Variants in TTI2 observed in about 807,000 individuals in gnomAD.
TTI2 encodes the protein TELO2-interacting protein 2.
A neutral mutation model predicts 44.9 loss-of-function variants in TTI2; 26 were observed. The ratio of observed to expected loss-of-function variants is 0.58; its 90% CI spans 0.42 to 0.80. The LOEUF is 0.80. Among genes scored for constraint, TTI2 ranks in the 30% least tolerant of loss-of-function variants. TTI2 has a pLI of 0.00. For synonymous variants in TTI2, 254 were observed against 250.9 expected, an observed-to-expected ratio of 1.01 and a Z score of -0.12; for missense variants, 582 against 611.6, an observed-to-expected ratio of 0.95 and a Z score of 0.51.
In TTI2 at chr8:33,512,050, C is replaced by T. The variant is rs1809550490; in HGVS notation, c.564G>A (p.Val188=). 6.2e-7 allele frequency: 1 copy of T among 1,614,008 alleles called. No homozygotes were observed. ...SLLQVTECGS[V]AGFLHGENED... is the part of the protein sequence containing the mutation. ...CATTTTCTCCATGTAGGAATCCTGC[C>T]ACAGAACCGCATTCAGTAACTTGAA... The change falls in exon 2 of 8, where the codon GTG becomes GTA. Residue 188 remains valine (V), a synonymous_variant. Transcript: ENST00000431156.
chr8:33,506,733 C>A (rs1277682712), intron 4 of TTI2, among the ~76,000 whole-genome samples: 1 of 151,022 alleles, frequency 6.6e-6, no homozygotes, highest in African/African-American at 2.4e-5. Context: ...CGCACTGTCA[C>A]CCAGGCTGGA....
At chr8:33,509,132 C>CAAAAAAAAAAAAAAAA (rs751009227) in intron 3 of TTI2, among the ~76,000 whole-genome samples, 1 of 97,102 alleles carries the variant, frequency 1.0e-5, no homozygotes. Flanking sequence ...GATAATGTCT[C>CAAAAAAAAAAAAAAAA]AAAAAAAAAA....
rs1366997973 is a variant in TTI2, at chr8:33,512,628, C to G, written c.-15G>C. The stretch of plus-strand genomic sequence containing the variant: ...TCAAGCTCCATTCCTGACTGCAGCA[C>G]CAGAAGGCTGGTCTCTCCCACAGAA... On this transcript the variant is annotated 5_prime_UTR_variant, in exon 2 of 8. Coordinates refer to ENST00000431156, the MANE Select transcript of TTI2 (RefSeq NM_001102401.4). The G allele has an allele frequency of 1.2e-6, 2 of 1,611,234 alleles. No individual in the cohort carries two copies. The highest frequency in any genetic ancestry group is 1.7e-6 in the Non-Finnish European group (2 of 1,179,972).
At position 33,498,856 on chromosome 8, in the gene TTI2, C is replaced by G; in HGVS notation, c.*317G>C. On this transcript the variant is annotated 3_prime_UTR_variant, in exon 8 of 8. Transcript: ENST00000431156. The stretch of plus-strand genomic sequence containing the variant: ...TTTTATAGCATATGTGTTGAAGTAA[C>G]AGCTTGTGCCCGAGAAACTTAACAG... 1.7e-6 allele frequency: 1 copy of G among 588,770 alleles called. No individual in the cohort carries two copies. 36.5% of individuals were successfully genotyped at this position (588,770 alleles called of 1,614,324 possible).
chr8:33,508,087 T>TA (rs58891946), intron 3 of TTI2, among the ~76,000 whole-genome samples: 5,202 of 19,326 alleles, frequency 0.27, 994 homozygotes, highest in Non-Finnish European at 0.32. Context: ...CTAGCGGTAG[T>TA]AAAAAAAAAA....
intron 2 of TTI2, among the ~76,000 whole-genome samples, chr8:33,510,673 C>T (rs1028157770): frequency 7.2e-5 from 11 of 152,048 alleles, no homozygotes; most frequent in Admixed American, 2.0e-4. Flanking sequence ...CACCACACTC[C>T]GCCAAGTATA....
At chr8:33,512,974 C>G (rs908555696) in intron 1 of TTI2, 108 bp downstream of exon 1, 21 of 170,810 alleles carry the variant, frequency 1.2e-4, no homozygotes, top group African/African-American at 4.8e-4. Context: ...TTAACAGTGA[C>G]GTTAAAAGAC....
intron 7 of TTI2, chr8:33,499,707 G>T: frequency 6.0e-6 from 1 of 167,388 alleles, no homozygotes; most frequent in Admixed American, 5.9e-5. Context: ...AGTGACTTAT[G>T]GCATGAATTT....
chr8:33,509,747 A>G lies in TTI2; in HGVS notation c.833T>C (p.Val278Ala). Residue 278 changes from valine (V) to alanine (A), a missense_variant and splice_region_variant, in exon 3 of 8, where the codon GTG becomes GCG. Transcript: ENST00000431156. ...GATGACAAGCCAGAGGTTGCTTACC[A>G]CATTAAGCACAATGTGATGGAGACA... is the stretch of plus-strand genomic sequence containing the variant. ...VHCLHHIVLN[V>A]PAADLLQYNR... 1 of 1,614,058 alleles carries G rather than the reference A, an allele frequency of 6.2e-7. No homozygotes were observed. Among genetic ancestry groups the G allele is most frequent in the South Asian group, 1.1e-5 (1 of 91,076 alleles).
intron 7 of TTI2, 35 bp from the exon 8 acceptor site, chr8:33,499,312 T>A (rs776063959): frequency 6.7e-6 from 10 of 1,500,986 alleles, no homozygotes; most frequent in Middle Eastern, 1.7e-4. Context: ...TTGATATTTT[T>A]TTTTTTTTAA....
chr8:33,510,080 C>A, intron 2 of TTI2, 148 bp from the exon 3 acceptor site: 1 of 690,628 alleles, frequency 1.4e-6, no homozygotes, highest in Non-Finnish European at 2.4e-6. Context: ...GATTCTATAT[C>A]ATACATTCTA....
Position 33,512,277 on chromosome 8 carries a change from C to T in TTI2, c.337G>A (p.Ala113Thr), listed in dbSNP as rs1809565897. 46 of 1,614,220 alleles carry T rather than the reference C, an allele frequency of 2.8e-5. No homozygotes were observed. The highest frequency in any genetic ancestry group is 3.9e-5 in the Non-Finnish European group (46 of 1,180,040). ...GDGHSEAAEK[A>T]AQVGLLFLKL... ...AGAAACAGTAACCCAACTTGGGCTG[C>T]TTTCTCGGCCGCTTCGGAGTGCCCA... The change falls in exon 2 of 8, where the codon GCA (alanine) becomes ACA (threonine). Residue 113 changes from alanine to threonine, a missense_variant. Ala to Thr is a moderately conservative substitution (Grantham distance 58, BLOSUM62 0). Transcript: ENST00000431156.
At position 33,498,985 on chromosome 8, in the gene TTI2, G is replaced by A. The variant is rs1314926027; in HGVS notation, c.*188C>T. The A allele has an allele frequency of 8.2e-6, 5 of 606,930 alleles. No homozygotes were observed. In the African/African-American group the frequency reaches 9.3e-5, roughly 11 times the overall value. 37.6% of individuals were successfully genotyped at this position (606,930 alleles called of 1,614,324 possible). ...TTTCTCCCAAACTTTATTTAGAAAT[G>A]GAAGGAGTTCAATTTTTTCTTGTTC... On this transcript the variant is annotated 3_prime_UTR_variant, in exon 8 of 8. Transcript: ENST00000431156.
intron 4 of TTI2, among the ~76,000 whole-genome samples, chr8:33,505,874 C>T (rs1294893680): frequency 6.6e-6 from 1 of 152,048 alleles, no homozygotes; most frequent in Non-Finnish European, 1.5e-5. Context: ...AGGATGGTCT[C>T]GATCTCCCGA....
chr8:33,499,362 A>G lies in TTI2; in HGVS notation c.1423-85T>C, dbSNP rs897680077. 4 of 981,442 alleles carry G rather than the reference A, an allele frequency of 4.1e-6. No individual in the cohort carries two copies. The African/African-American group carries it at 4.8e-5, about 12-fold the overall frequency. The allele number at this position is 981,442 out of a possible 1,614,324, so 60.8% of individuals were successfully genotyped here. A position where few individuals can be genotyped will look rare whatever the true frequency, so the allele number is the denominator to read the frequency against. On this transcript the variant is annotated intron_variant, in intron 7 of 7. Transcript: ENST00000431156. ...TGCTTGATTCTTCTTCCTTGGTATC[A>G]TATTCAAAGGAGGAAAGAATGGATG...
chr8:33,507,170 C>T (rs1809327272), intron 4 of TTI2, 59 bp downstream of exon 4: 1 of 1,450,952 alleles, frequency 6.9e-7, no homozygotes, highest in Non-Finnish European at 9.7e-7. Flanking sequence ...TCACACAATG[C>T]AACCTTCTAC....
rs745665937 is a variant in TTI2, at chr8:33,498,785, A to C, written c.*388T>G. 2 of 674,854 alleles carry C rather than the reference A, an allele frequency of 3.0e-6. No homozygotes were observed. The allele number at this position is 674,854 out of a possible 1,614,324, so 41.8% of individuals were successfully genotyped here. On this transcript the variant is annotated 3_prime_UTR_variant, in exon 8 of 8. Coordinates refer to ENST00000431156, the MANE Select transcript of TTI2 (RefSeq NM_001102401.4). ...TTATTTATGCCACGTCAGTGGGGCA[A>C]GAAATCTGGAGTGAGTGAAGAAAGC...
chr8:33,511,827 T>C, intron 2 of TTI2, 140 bp downstream of exon 2: 1 of 934,738 alleles, frequency 1.1e-6, no homozygotes, highest in Non-Finnish European at 1.6e-6. Context: ...AGGCGGAGGT[T>C]GCAGTGAGCT....
chr8:33,512,536 A>G lies in TTI2; in HGVS notation c.78T>C (p.Phe26=), dbSNP rs530304359. 11 of 1,613,978 alleles carry G rather than the reference A, an allele frequency of 6.8e-6. No homozygotes were observed. Among genetic ancestry groups the G allele is most frequent in the Non-Finnish European group, 9.3e-6 (11 of 1,180,038 alleles). ...NLSEELSHSA[F]GQAFSKILHC... Reference sequence around the variant, plus strand: ...GTAAAATCTTGGAGAAGGCCTGTCCAAAGGCGGAGTGAGACAACTCCTCGG... The same window carrying G: ...GTAAAATCTTGGAGAAGGCCTGTCCGAAGGCGGAGTGAGACAACTCCTCGG... Residue 26 remains phenylalanine (F), a synonymous_variant, in exon 2 of 8, where the codon TTT becomes TTC. Coordinates refer to ENST00000431156, the MANE Select transcript of TTI2 (RefSeq NM_001102401.4).
Sources: allele counts gnomAD v4.1 joint callset (sites outside exome capture counted in the v4.1 genomes callset), GRCh38; gene constraint gnomAD v4.1.1; transcripts MANE v1.5; gene names NCBI Gene and HGNC (gene_info 2026-07-23, HGNC 2026-07-21).